SPATA19: variants seen among roughly 807,000 people sequenced by gnomAD.
SPATA19 encodes spermatogenesis-associated protein 19, mitochondrial.
SPATA19 carries 19 observed loss-of-function variants against 25.0 expected under a neutral mutation model. The ratio of observed to expected loss-of-function variants is 0.76; its 90% CI spans 0.53 to 1.11. SPATA19 has a LOEUF of 1.11. Among genes scored for constraint, SPATA19 ranks in the 50% most tolerant of loss-of-function variants. The pLI is 0.00. For synonymous variants in SPATA19, 64 were observed against 69.3 expected (o/e 0.92, Z 0.38); for missense variants, 222 against 211.4 (o/e 1.05, Z -0.31).
chr11:133,837,039 G>C (rs753501676), downstream of SPATA19, among the ~76,000 whole-genome samples: 1 of 152,152 alleles, frequency 6.6e-6, no homozygotes, highest in East Asian at 1.9e-4. Flanking sequence ...ATAGGACCAG[G>C]CATATAGAAA....
intron 4 of SPATA19, 136 bp from the exon 5 acceptor site, chr11:133,842,698 C>T (rs1270391833): frequency 2.8e-6 from 2 of 721,588 alleles, no homozygotes; most frequent in Admixed American, 2.3e-5. Context: ...TGGTCTCTCC[C>T]CCTTCTTGAC....
In SPATA19 at chr11:133,840,732, G is replaced by A. The variant is rs1938286705; in HGVS notation, c.*201C>T. ...CACCTGCTGGAGTCTTTCTGCCCAG[G>A]TCTGGCCCTTCTTCAGGTCAAGCAG... On this transcript the variant is annotated 3_prime_UTR_variant, in exon 7 of 7. Transcript: ENST00000299140. 6.6e-6 allele frequency: 1 copy of A among 152,210 alleles called. No homozygotes were observed. Among genetic ancestry groups the A allele is most frequent in the African/African-American group, 2.4e-5 (1 of 41,432 alleles). The allele number at this position is 152,210 out of a possible 1,614,324, so 9.4% of individuals were successfully genotyped here.
chr11:133,836,228 C>T (rs931647354), downstream of SPATA19, among the ~76,000 whole-genome samples: 3 of 152,168 alleles, frequency 2.0e-5, no homozygotes, highest in African/African-American at 7.2e-5. Flanking sequence ...CTTGCTGCTG[C>T]CCAGGGCTGG....
intron 5 of SPATA19, 73 bp from the exon 6 acceptor site, chr11:133,842,178 CAG>C: frequency 6.8e-7 from 1 of 1,479,896 alleles, no homozygotes; most frequent in South Asian, 1.1e-5. Context: ...GACCACGGCA[CAG>C]GGGCTGCGGT....
At chr11:133,837,873 G>A (rs891574422), downstream of SPATA19, among the ~76,000 whole-genome samples, 7 of 152,058 alleles carry the variant, frequency 4.6e-5, no homozygotes, top group Admixed American at 4.6e-4. Flanking sequence ...AGAAATAACT[G>A]TAAACCTCAG....
At chr11:133,836,378 A>T (rs1302836210), downstream of SPATA19, among the ~76,000 whole-genome samples, 1 of 152,154 alleles carries the variant, frequency 6.6e-6, no homozygotes, top group African/African-American at 2.4e-5. Flanking sequence ...GGCCCCTAGG[A>T]AGAGTGGGGC....
intron 4 of SPATA19, among the ~76,000 whole-genome samples, chr11:133,843,244 ATG>A (rs1340995881): frequency 6.6e-6 from 1 of 152,156 alleles, no homozygotes; most frequent in East Asian, 1.9e-4. Flanking sequence ...TTGGAAGATG[ATG>A]TGTGTGTTAT....
intron 4 of SPATA19, 135 bp from the exon 5 acceptor site, chr11:133,842,697 C>G (rs1198692782): frequency 1.4e-6 from 1 of 733,826 alleles, no homozygotes; most frequent in South Asian, 1.6e-5. Context: ...CTGGTCTCTC[C>G]CCCTTCTTGA....
rs1565396660 is a variant in SPATA19, at chr11:133,842,579, GT to G, written c.360-18del. On this transcript the variant is annotated intron_variant, in intron 4 of 6. Coordinates refer to ENST00000299140, the MANE Select transcript of SPATA19 (RefSeq NM_174927.3). Reference sequence around the variant, plus strand: ...CGAGTGTGGCTGCAAAAGGCCATTCGTACATTGGCATATGGGATCTGAGTTT... The same window carrying G: ...CGAGTGTGGCTGCAAAAGGCCATTCGACATTGGCATATGGGATCTGAGTTT... 6.3e-7 allele frequency: 1 copy of G among 1,591,118 alleles called. No individual in the cohort carries two copies.
downstream of SPATA19, among the ~76,000 whole-genome samples, chr11:133,836,453 A>C (rs988666735): frequency 2.6e-5 from 4 of 152,182 alleles, no homozygotes; most frequent in Non-Finnish European, 4.4e-5. Context: ...CTCACCACCA[A>C]CAACAACCGA....
downstream of SPATA19, among the ~76,000 whole-genome samples, chr11:133,838,949 A>G (rs1224092916): frequency 6.6e-6 from 1 of 152,252 alleles, no homozygotes; most frequent in African/African-American, 2.4e-5. Context: ...ACCACTGGCC[A>G]TCGGAGAAAT....
rs753949397 is a variant in SPATA19, at chr11:133,844,234, G to A, written c.359+12C>T. On this transcript the variant is annotated intron_variant, in intron 4 of 6. Transcript: ENST00000299140. ...TCCCCTTCCTTCGCCCAGGGCAAGT[G>A]GGACACCTTACCTCCATCTTATGAA... is the stretch of plus-strand genomic sequence containing the variant. The A allele has an allele frequency of 1.5e-5, 24 of 1,612,388 alleles. No individual in the cohort carries two copies. The African/African-American group carries it at 1.6e-4, about 11-fold the overall frequency.
chr11:133,845,067 C>G, intron 2 of SPATA19, 67 bp downstream of exon 2: 1 of 1,364,304 alleles, frequency 7.3e-7, no homozygotes. Context: ...AGTCCAGATC[C>G]CCACACCCAC....
At chr11:133,839,304 G>A (rs1250497728), downstream of SPATA19, among the ~76,000 whole-genome samples, 1 of 152,152 alleles carries the variant, frequency 6.6e-6, no homozygotes, top group African/African-American at 2.4e-5. Flanking sequence ...ATGATAGACT[G>A]GATTAAGAAA....
chr11:133,842,187 C>T (rs1008208354), intron 5 of SPATA19, 82 bp from the exon 6 acceptor site: 61 of 1,406,100 alleles, frequency 4.3e-5, no homozygotes, highest in South Asian at 3.3e-4. Context: ...ACAGGGGCTG[C>T]GGTGGGAGGG....
downstream of SPATA19, among the ~76,000 whole-genome samples, chr11:133,838,013 A>G (rs2853115): frequency 0.32 from 48,854 of 151,964 alleles, 9,013 homozygotes; most frequent in East Asian, 0.6. Flanking sequence ...CCAGGTAAAC[A>G]TACAGCCTCA....
At chr11:133,843,537 A>T (rs1227826188) in intron 4 of SPATA19, among the ~76,000 whole-genome samples, 1 of 152,226 alleles carries the variant, frequency 6.6e-6, no homozygotes, top group Non-Finnish European at 1.5e-5. Flanking sequence ...ACAACAGATC[A>T]ACATCGATGA....
downstream of SPATA19, among the ~76,000 whole-genome samples, chr11:133,837,626 C>G (rs1938235772): frequency 6.6e-6 from 1 of 152,160 alleles, no homozygotes. Flanking sequence ...ATACCCAACT[C>G]CAGACCCTCC....
downstream of SPATA19, among the ~76,000 whole-genome samples, chr11:133,839,165 G>A (rs1284753369): frequency 6.6e-6 from 1 of 152,170 alleles, no homozygotes; most frequent in East Asian, 1.9e-4. Context: ...ATTTGACCCA[G>A]CCATCCCATT....
Sources: allele counts gnomAD v4.1 joint callset (sites outside exome capture counted in the v4.1 genomes callset), GRCh38; gene constraint gnomAD v4.1.1; transcripts MANE v1.5; gene names NCBI Gene and HGNC (gene_info 2026-07-23, HGNC 2026-07-21).